The following CTIF variants were observed in gnomAD, a reference collection of about 807,000 sequenced individuals.
The protein encoded by CTIF is CBP80/20-dependent translation initiation factor.
A neutral mutation model predicts 66.0 loss-of-function variants in CTIF; 21 were observed. The observed-to-expected ratio is 0.32, with a 90% CI of 0.23 to 0.46. The LOEUF (loss-of-function observed/expected upper bound fraction) is 0.46. Ranked by LOEUF, CTIF falls within the 20% of genes least tolerant of loss-of-function variation. The pLI is 1.00. For missense variants in CTIF, 739 were observed against 812.7 expected (o/e 0.91, Z 1.10); for synonymous variants, 345 against 326.4 (o/e 1.06, Z -0.62).
chr18:48,756,297 A>G (rs1908357008), intron 7 of CTIF: 1 of 152,194 alleles, frequency 6.6e-6, no homozygotes, highest in Non-Finnish European at 1.5e-5. Context: ...ATGAGCTACT[A>G]AGCTTTTCAA....
At chr18:48,609,013 G>C (rs2090258299) in intron 1 of CTIF, among the ~76,000 whole-genome samples, 1 of 152,340 alleles carries the variant, frequency 6.6e-6, no homozygotes, top group Non-Finnish European at 1.5e-5. Flanking sequence ...TTCCTAGCAT[G>C]CTCCAAGTTA....
intron 10 of CTIF, among the ~76,000 whole-genome samples, chr18:48,852,409 G>T (rs2069226290): frequency 6.6e-6 from 1 of 152,094 alleles, no homozygotes; most frequent in African/African-American, 2.4e-5. Context: ...CTCGCAGTTG[G>T]ATGTTGGACC....
intron 9 of CTIF, among the ~76,000 whole-genome samples, chr18:48,806,082 T>TCC (rs1243534105): frequency 6.6e-6 from 1 of 151,158 alleles, no homozygotes; most frequent in African/African-American, 2.4e-5. Context: ...GAATGAGGAG[T>TCC]CCCGGGGGCT....
chr18:48,605,881 T>A (rs955534378), intron 1 of CTIF, among the ~76,000 whole-genome samples: 1 of 152,110 alleles, frequency 6.6e-6, no homozygotes, highest in Admixed American at 6.5e-5. Flanking sequence ...CACACTAGAG[T>A]GGGTTCCTGA....
At chr18:48,745,681 A>G (rs1254197125) in intron 7 of CTIF, among the ~76,000 whole-genome samples, 4 of 152,234 alleles carry the variant, frequency 2.6e-5, no homozygotes, top group African/African-American at 4.8e-5. Context: ...CCCAGAATAC[A>G]CGGGCTGTCT....
intron 9 of CTIF, among the ~76,000 whole-genome samples, chr18:48,770,662 A>G (rs1456956355): frequency 1.3e-5 from 2 of 152,232 alleles, no homozygotes; most frequent in Non-Finnish European, 2.9e-5. Flanking sequence ...TCATTTCTCT[A>G]GACAGGATTT....
At chr18:48,597,876 A>C (rs148524127) in intron 1 of CTIF, among the ~76,000 whole-genome samples, 1 of 152,220 alleles carries the variant, frequency 6.6e-6, no homozygotes, top group Non-Finnish European at 1.5e-5. Flanking sequence ...AGGAGGGCCA[A>C]CGCTGGGTGT....
Position 48,618,641 on chromosome 18 carries a change from G to A in CTIF, c.-28-897G>A, listed in dbSNP as rs557315710. 1.1e-4 allele frequency among the ~76,000 whole-genome samples: 16 copies of A among 152,298 alleles called. No homozygotes were observed. In the East Asian group the frequency reaches 1.9e-3, roughly 18 times the overall value. On this transcript the variant is annotated intron_variant, in intron 1 of 11. Coordinates refer to ENST00000256413, the MANE Select transcript of CTIF (RefSeq NM_014772.3). ...AGCTTCGGGGGATAAGCAAGGGAGC[G>A]GGGAGCAGAGAGGGCGGTGGCGGTG...
At chr18:48,822,079 G>A (rs753559440) in intron 10 of CTIF, among the ~76,000 whole-genome samples, 9 of 152,136 alleles carry the variant, frequency 5.9e-5, no homozygotes, top group African/African-American at 9.7e-5. Context: ...TGCAGTATTC[G>A]TTCTTCTGTG....
intron 5 of CTIF, among the ~76,000 whole-genome samples, chr18:48,667,867 A>T (rs1018930871): frequency 1.8e-4 from 28 of 152,218 alleles, no homozygotes; most frequent in Admixed American, 1.7e-3. Flanking sequence ...TCATGGCCAG[A>T]CCAGGAACTG....
rs115922490 is a variant in CTIF, at chr18:48,746,636, C to G, written c.585-11283C>G. ...TCAGAGCGTGGCAAGATGATAGTCACGGCCACATAGCAGGATGGAGGGGAG... is the reference window on the plus strand; with the variant it reads ...TCAGAGCGTGGCAAGATGATAGTCAGGGCCACATAGCAGGATGGAGGGGAG... On this transcript the variant is annotated intron_variant, in intron 7 of 11. Transcript: ENST00000256413. Among the ~76,000 whole-genome samples, 445 of 152,030 alleles carry G rather than the reference C, an allele frequency of 2.9e-3. 5 individuals are homozygous for G. Among genetic ancestry groups the G allele is most frequent in the African/African-American group, 9.5e-3 (395 of 41,480 alleles).
chr18:48,615,534 C>T (rs1466413630), intron 1 of CTIF, among the ~76,000 whole-genome samples: 2 of 152,200 alleles, frequency 1.3e-5, no homozygotes, highest in Non-Finnish European at 2.9e-5. Context: ...GGAGGACCGA[C>T]AAGTGAGGGG....
chr18:48,840,444 C>T (rs145160245), intron 10 of CTIF, among the ~76,000 whole-genome samples: 61 of 152,302 alleles, frequency 4.0e-4, no homozygotes, highest in African/African-American at 1.3e-3. Flanking sequence ...AAGATCATCT[C>T]GACTTAGAAA....
intron 7 of CTIF, among the ~76,000 whole-genome samples, chr18:48,730,168 C>T (rs1362557845): frequency 6.6e-6 from 1 of 152,214 alleles, no homozygotes; most frequent in South Asian, 2.1e-4. Flanking sequence ...TGGTGAAGGG[C>T]CTCCACAGTG....
intron 7 of CTIF, among the ~76,000 whole-genome samples, chr18:48,715,437 CA>C (rs2092270620): frequency 2.6e-5 from 4 of 152,208 alleles, no homozygotes; most frequent in African/African-American, 9.6e-5. Context: ...CCTCAAAGAG[CA>C]GCATGCCTTC....
chr18:48,598,205 A>G (rs900854177), intron 1 of CTIF, among the ~76,000 whole-genome samples: 1 of 152,302 alleles, frequency 6.6e-6, no homozygotes, highest in African/African-American at 2.4e-5. Flanking sequence ...GATTTTTCCT[A>G]CTTGGCAACC....
intron 2 of CTIF, among the ~76,000 whole-genome samples, chr18:48,622,424 A>G (rs1220354003): frequency 1.3e-5 from 2 of 151,988 alleles, no homozygotes; most frequent in Non-Finnish European, 2.9e-5. Flanking sequence ...CGTGAAACTC[A>G]GATCCATCTT....
chr18:48,819,583 T>C (rs970508887), intron 10 of CTIF, among the ~76,000 whole-genome samples: 4 of 152,032 alleles, frequency 2.6e-5, no homozygotes, highest in Admixed American at 2.6e-4. Context: ...GATCCGGAGG[T>C]GCCAGGAGAT....
chr18:48,547,025 C>T (rs148344850), intron 1 of CTIF, among the ~76,000 whole-genome samples: 5 of 152,300 alleles, frequency 3.3e-5, no homozygotes, highest in Non-Finnish European at 4.4e-5. Flanking sequence ...TGGGGAGAGT[C>T]TGGGGCTCTT....
Sources: allele counts gnomAD v4.1 joint callset (sites outside exome capture counted in the v4.1 genomes callset), GRCh38; gene constraint gnomAD v4.1.1; transcripts MANE v1.5; gene names NCBI Gene and HGNC (gene_info 2026-07-23, HGNC 2026-07-21).